Variants in NTRK3 observed in about 807,000 individuals in gnomAD.
NTRK3 encodes the protein neurotrophic receptor tyrosine kinase 3.
NTRK3 carries 24 observed loss-of-function variants against 91.7 expected under a neutral mutation model. That is an observed-to-expected ratio of 0.26 (90% CI 0.19 to 0.37). The LOEUF (loss-of-function observed/expected upper bound fraction) is 0.37. Ranked by LOEUF, NTRK3 falls within the 10% of genes least tolerant of loss-of-function variation. NTRK3 has a pLI of 1.00. For missense variants in NTRK3, 880 were observed against 1,068.9 expected (o/e 0.82, Z 2.46); for synonymous variants, 483 against 404.0 (o/e 1.20, Z -2.34).
At chr15:88,170,480 G>C (rs1472911248) in intron 5 of NTRK3, among the ~76,000 whole-genome samples, 1 of 152,184 alleles carries the variant, frequency 6.6e-6, no homozygotes, top group African/African-American at 2.4e-5. Context: ...TTCTATGTTT[G>C]TCAAAGTCCT....
chr15:87,873,061 T>A, exon 19 of NTRK3: 1 of 232,970 alleles, frequency 4.3e-6, no homozygotes, highest in Non-Finnish European at 8.5e-6. Context: ...CTGAGTTGAG[T>A]CTCGTGCAGC....
At chr15:88,007,315 C>T (rs2076563506) in intron 14 of NTRK3, among the ~76,000 whole-genome samples, 1 of 152,190 alleles carries the variant, frequency 6.6e-6, no homozygotes, top group East Asian at 1.9e-4. Context: ...CCCAGTTGTG[C>T]CCAGCATCAA....
intron 14 of NTRK3, among the ~76,000 whole-genome samples, chr15:87,997,896 G>A (rs1167604632): frequency 6.6e-6 from 1 of 152,178 alleles, no homozygotes; most frequent in African/African-American, 2.4e-5. Context: ...CTGTGGGACA[G>A]GGGAGAGTCA....
At chr15:87,883,161 C>T (rs945344364) in intron 17 of NTRK3, among the ~76,000 whole-genome samples, 7 of 150,550 alleles carry the variant, frequency 4.6e-5, no homozygotes, top group Non-Finnish European at 1.0e-4. Context: ...AATTACATTT[C>T]TTTTATTGTG....
At chr15:87,898,705 G>T (rs895363266) in intron 17 of NTRK3, among the ~76,000 whole-genome samples, 2 of 151,674 alleles carry the variant, frequency 1.3e-5, no homozygotes, top group African/African-American at 2.4e-5. Context: ...GGGATTCTAG[G>T]CTGGGTGCTG....
chr15:88,098,075 C>T (rs2049804270), intron 13 of NTRK3, among the ~76,000 whole-genome samples: 1 of 152,128 alleles, frequency 6.6e-6, no homozygotes, highest in Admixed American at 6.6e-5. Flanking sequence ...CTATCTTTTC[C>T]TCTGACAAAA....
chr15:88,160,195 C>T (rs1235302558), intron 5 of NTRK3, among the ~76,000 whole-genome samples: 1 of 152,110 alleles, frequency 6.6e-6, no homozygotes, highest in Non-Finnish European at 1.5e-5. Flanking sequence ...GAAGGAGGGG[C>T]GCCCCAGCCA....
chr15:87,867,595 C>T (rs1567048952), exon 19 of NTRK3: 1 of 228,968 alleles, frequency 4.4e-6, no homozygotes, highest in Non-Finnish European at 8.7e-6. Context: ...AACTAGTTGT[C>T]AGATGCCCAC....
intron 15 of NTRK3, among the ~76,000 whole-genome samples, chr15:87,938,796 C>G (rs1369860965): frequency 6.6e-6 from 1 of 152,120 alleles, no homozygotes; most frequent in African/African-American, 2.4e-5. Context: ...AGTTTAGGGT[C>G]AACATTAGAA....
chr15:88,192,377 C>T (rs2047476295), intron 3 of NTRK3, among the ~76,000 whole-genome samples: 1 of 152,128 alleles, frequency 6.6e-6, no homozygotes, highest in Non-Finnish European at 1.5e-5. Context: ...AGCCTATCTG[C>T]TTCTATTTTT....
chr15:88,095,663 A>T (rs988095475), intron 13 of NTRK3, among the ~76,000 whole-genome samples: 1 of 152,228 alleles, frequency 6.6e-6, no homozygotes, highest in African/African-American at 2.4e-5. Context: ...ATAGGTGCAT[A>T]ACCCTCCCCA....
intron 3 of NTRK3, among the ~76,000 whole-genome samples, chr15:88,184,898 T>C: frequency 6.6e-6 from 1 of 152,152 alleles, no homozygotes; most frequent in East Asian, 1.9e-4. Context: ...TGGAGCTGAC[T>C]CCAGAGAGTG....
chr15:87,916,248 A>G (rs1475237637), intron 17 of NTRK3: 1 of 301,318 alleles, frequency 3.3e-6, no homozygotes. Flanking sequence ...CAGCTAGTAA[A>G]GAAGATATCT....
intron 13 of NTRK3, among the ~76,000 whole-genome samples, chr15:88,099,611 G>A (rs2049970888): frequency 6.6e-6 from 1 of 152,122 alleles, no homozygotes; most frequent in African/African-American, 2.4e-5. Flanking sequence ...ACATGGCATC[G>A]GGAGCTAAGA....
exon 19 of NTRK3, chr15:87,860,413 A>C (rs1231567374): frequency 4.5e-6 from 1 of 221,208 alleles, no homozygotes; most frequent in East Asian, 6.5e-5. Flanking sequence ...TTGCCTTTTC[A>C]ACATATCCCT....
chr15:87,906,163 A>G (rs566930104), intron 17 of NTRK3, among the ~76,000 whole-genome samples: 7 of 152,140 alleles, frequency 4.6e-5, no homozygotes, highest in Non-Finnish European at 7.4e-5. Context: ...TGGCTCCACT[A>G]TTTTCTATTT....
chr15:88,119,629 G>C (rs1201456144), intron 13 of NTRK3, among the ~76,000 whole-genome samples: 1 of 152,134 alleles, frequency 6.6e-6, no homozygotes, highest in African/African-American at 2.4e-5. Context: ...TCATGGCAAG[G>C]GCCAAAGGTA....
At chr15:87,901,923 C>G (rs1057364917) in intron 17 of NTRK3, among the ~76,000 whole-genome samples, 14 of 152,034 alleles carry the variant, frequency 9.2e-5, no homozygotes, top group Admixed American at 2.0e-4. Context: ...AGTTAAAGTT[C>G]TTATACATTC....
chr15:88,015,315 A>G (rs955424542), intron 14 of NTRK3, among the ~76,000 whole-genome samples: 2 of 152,194 alleles, frequency 1.3e-5, no homozygotes, highest in Non-Finnish European at 2.9e-5. Flanking sequence ...AAGCTATGCT[A>G]TTTAATACAT....
Sources: allele counts gnomAD v4.1 joint callset (sites outside exome capture counted in the v4.1 genomes callset), GRCh38; gene constraint gnomAD v4.1.1; transcripts MANE v1.5; gene names NCBI Gene and HGNC (gene_info 2026-07-23, HGNC 2026-07-21).